The following NABP1 variants were observed in gnomAD, a reference collection of about 807,000 sequenced individuals.
NABP1 encodes the protein nucleic acid binding protein 1, also known as SOSS complex subunit B2.
NABP1 carries 18 observed loss-of-function variants against 25.0 expected under a neutral mutation model. That is an observed-to-expected ratio of 0.72 (90% CI 0.50 to 1.07). The LOEUF (loss-of-function observed/expected upper bound fraction) is 1.07, where lower values mean the gene tolerates loss of function less well. Among genes scored for constraint, NABP1 ranks in the 50% least tolerant of loss-of-function variants. The pLI, the probability that NABP1 is intolerant of heterozygous loss-of-function variation, is 0.00. For synonymous variants in NABP1, 71 were observed against 85.0 expected (o/e 0.84, Z 0.91); for missense variants, 270 against 255.6 (o/e 1.06, Z -0.39).
chr2:191,678,290 T>C lies in NABP1; in HGVS notation c.-325T>C. 5.3e-6 allele frequency: 1 copy of C among 189,676 alleles called. No individual in the cohort carries two copies. 11.7% of individuals were successfully genotyped at this position (189,676 alleles called of 1,614,324 possible). A position where few individuals can be genotyped will look rare whatever the true frequency, so the allele number is the denominator to read the frequency against. ...GAAGTGTCCCCTCACTGCGTTTTTT[T>C]TTCCTTTTATCCAAAGAACGGGGCA... On this transcript the variant is annotated 5_prime_UTR_variant, in exon 1 of 6. Coordinates refer to ENST00000425611, the MANE Select transcript of NABP1 (RefSeq NM_001031716.5).
intron 1 of NABP1, 36 bp downstream of exon 1, chr2:191,678,741 G>A: frequency 6.4e-7 from 1 of 1,574,792 alleles, no homozygotes; most frequent in South Asian, 1.1e-5. Context: ...ACCGCCCGCT[G>A]TGCCTCCCGG....
chr2:191,678,427 T>TTG lies in NABP1; in HGVS notation c.-188_-187insTG. ...CCTTTTTTTTTTTTTTTTTTTTTTTTCTTTTTTTAGGCTCAGTGCTGTCCG... is the reference window on the plus strand; with the variant it reads ...CCTTTTTTTTTTTTTTTTTTTTTTTTTGCTTTTTTTAGGCTCAGTGCTGTCCG... On this transcript the variant is annotated 5_prime_UTR_variant, in exon 1 of 6. Coordinates refer to ENST00000425611, the MANE Select transcript of NABP1 (RefSeq NM_001031716.5). 3.9e-6 allele frequency: 1 copy of TTG among 259,576 alleles called. No homozygotes were observed. The highest frequency in any genetic ancestry group is 7.0e-6 in the Non-Finnish European group (1 of 142,662). The allele number at this position is 259,576 out of a possible 1,614,324, so 16.1% of individuals were successfully genotyped here. A position where few individuals can be genotyped will look rare whatever the true frequency, so the allele number is the denominator to read the frequency against.
rs370061845 is a variant in NABP1, at chr2:191,680,575, A to G, written c.231-1371A>G. On this transcript the variant is annotated intron_variant, in intron 2 of 5. Coordinates refer to ENST00000425611, the MANE Select transcript of NABP1 (RefSeq NM_001031716.5). ...CCAAATATTTTTCACCCAATGATTG[A>G]AAGTATTTTTTACGCTAAAAACGGC... Among the ~76,000 whole-genome samples the G allele has an allele frequency of 2.6e-5, 4 of 152,224 alleles. No individual in the cohort carries two copies. In the East Asian group the frequency reaches 5.8e-4, roughly 22 times the overall value.
At position 191,678,574 on chromosome 2, in the gene NABP1, C is replaced by T; in HGVS notation, c.-41C>T. ...GGTGGGAAGCTTTGACCCCGCCCTG[C>T]CCACTCGCGTCTCCGCAGCCGTAGC... On this transcript the variant is annotated 5_prime_UTR_variant, in exon 1 of 6. Coordinates refer to ENST00000425611, the MANE Select transcript of NABP1 (RefSeq NM_001031716.5). 1 of 1,477,734 alleles carries T rather than the reference C, an allele frequency of 6.8e-7. No individual in the cohort carries two copies. The allele number at this position is 1,477,734 out of a possible 1,614,324, so 91.5% of individuals were successfully genotyped here.
chr2:191,678,906 A>T, intron 1 of NABP1, 84 bp from the exon 2 acceptor site: 1 of 1,581,890 alleles, frequency 6.3e-7, no homozygotes, highest in African/African-American at 1.3e-5. Flanking sequence ...TTCCAGATGT[A>T]TTAAAATACC....
chr2:191,682,745 G>A, intron 3 of NABP1: 2 of 221,710 alleles, frequency 9.0e-6, no homozygotes, highest in South Asian at 9.7e-5. Context: ...AAAAAGAGAA[G>A]CCACAAATGG....
chr2:191,685,810 C>G lies in NABP1; in HGVS notation c.*42C>G, dbSNP rs1687804259. On this transcript the variant is annotated 3_prime_UTR_variant, in exon 6 of 6. Coordinates refer to ENST00000425611, the MANE Select transcript of NABP1 (RefSeq NM_001031716.5). ...ATGTGTAGTTTTTATACTACATGCC[C>G]TACTTGAACACTTATTGCACTTTTA... The G allele has an allele frequency of 6.4e-7, 1 of 1,564,736 alleles. No individual in the cohort carries two copies. Among genetic ancestry groups the G allele is most frequent in the Non-Finnish European group, 8.8e-7 (1 of 1,139,604 alleles).
In NABP1 at chr2:191,686,796, C is replaced by T. The variant is rs1687836626; in HGVS notation, c.*1028C>T. 6.6e-6 allele frequency: 1 copy of T among 152,592 alleles called. No individual in the cohort carries two copies. Among genetic ancestry groups the T allele is most frequent in the Admixed American group, 6.5e-5 (1 of 15,276 alleles). 9.5% of individuals were successfully genotyped at this position (152,592 alleles called of 1,614,324 possible). A position where few individuals can be genotyped will look rare whatever the true frequency, so the allele number is the denominator to read the frequency against. ...GGCTCTATCAAAGAAGCAATTGCAG[C>T]TTTATTCAGAAATATAAAAGTGGAA... is the stretch of plus-strand genomic sequence containing the variant. On this transcript the variant is annotated 3_prime_UTR_variant, in exon 6 of 6. Coordinates refer to ENST00000425611, the MANE Select transcript of NABP1 (RefSeq NM_001031716.5).
At chr2:191,682,495 A>AGGTGC (rs1223396940) in intron 3 of NABP1, 8 of 470,954 alleles carry the variant, frequency 1.7e-5, no homozygotes, top group Non-Finnish European at 3.5e-5. Context: ...TCCACAGTCT[A>AGGTGC]GGTGCGGTGC....
At chr2:191,682,517 A>T in intron 3 of NABP1, 1 of 471,136 alleles carries the variant, frequency 2.1e-6, no homozygotes. Context: ...GGCAGCCGCA[A>T]TGCGAGATTC....
At chr2:191,684,028 G>GT (rs1687751415) in intron 4 of NABP1, among the ~76,000 whole-genome samples, 1 of 150,202 alleles carries the variant, frequency 6.7e-6, no homozygotes. Flanking sequence ...GAAATAGGAT[G>GT]TAACAGAGCT....
intron 3 of NABP1, chr2:191,682,939 G>A (rs898149194): frequency 3.9e-5 from 8 of 203,082 alleles, no homozygotes; most frequent in East Asian, 1.4e-4. Flanking sequence ...ATAGAGTTAT[G>A]TGTTATGAAA....
intron 2 of NABP1, among the ~76,000 whole-genome samples, chr2:191,680,034 T>C (rs1036580572): frequency 1.1e-4 from 17 of 152,154 alleles, no homozygotes; most frequent in African/African-American, 3.1e-4. Context: ...ACACAGAAAA[T>C]GTTTGGCAGA....
rs1483008116 is a variant in NABP1 at position 191,684,352 on chromosome 2, G to A, written c.445+56G>A. ...ATCAGGTATAAGAATGAAGAGAGCT[G>A]TAAAGATTCACGTGAAAAGCAACGT... On this transcript the variant is annotated intron_variant, in intron 5 of 5. Coordinates refer to ENST00000425611, the MANE Select transcript of NABP1 (RefSeq NM_001031716.5). 10 of 1,273,470 alleles carry A rather than the reference G, an allele frequency of 7.9e-6. No homozygotes were observed. In the Admixed American group the frequency reaches 2.5e-4, roughly 32 times the overall value. The allele number at this position is 1,273,470 out of a possible 1,614,324, so 78.9% of individuals were successfully genotyped here. A position where few individuals can be genotyped will look rare whatever the true frequency, so the allele number is the denominator to read the frequency against.
intron 4 of NABP1, 114 bp from the exon 5 acceptor site, chr2:191,684,116 A>C (rs1226790092): frequency 6.7e-5 from 10 of 149,820 alleles, no homozygotes; most frequent in Non-Finnish European, 1.3e-5. Context: ...TTTGTTAATT[A>C]AAAAAAAAAA....
At chr2:191,685,084 C>G (rs1687781409) in intron 5 of NABP1, 1 of 152,858 alleles carries the variant, frequency 6.5e-6, no homozygotes, top group Non-Finnish European at 1.5e-5. Flanking sequence ...AACTCCTGAC[C>G]TCAAATGATC....
chr2:191,679,155 C>T, intron 2 of NABP1, 27 bp downstream of exon 2: 4 of 1,613,608 alleles, frequency 2.5e-6, no homozygotes, highest in Non-Finnish European at 3.4e-6. Flanking sequence ...GTCGGGGGAC[C>T]TAACAGTCTG....
In NABP1 at chr2:191,685,538, A is replaced by G. The variant is rs897337237; in HGVS notation, c.446-61A>G. Reference sequence around the variant, plus strand: ...CATTAATAACATGTTGGCACTTAAGATAGTTCTACTTCTATAGACTACCTC... The same window carrying G: ...CATTAATAACATGTTGGCACTTAAGGTAGTTCTACTTCTATAGACTACCTC... On this transcript the variant is annotated intron_variant, in intron 5 of 5. Coordinates refer to ENST00000425611, the MANE Select transcript of NABP1 (RefSeq NM_001031716.5). 11 of 1,422,296 alleles carry G rather than the reference A, an allele frequency of 7.7e-6. No individual in the cohort carries two copies. In the African/African-American group the frequency reaches 1.3e-4, roughly 17 times the overall value. 88.1% of individuals were successfully genotyped at this position (1,422,296 alleles called of 1,614,324 possible). A position where few individuals can be genotyped will look rare whatever the true frequency, so the allele number is the denominator to read the frequency against.
chr2:191,679,229 G>T, intron 2 of NABP1, 101 bp downstream of exon 2: 1 of 1,440,876 alleles, frequency 6.9e-7, no homozygotes, highest in East Asian at 2.4e-5. Context: ...CCTTTTCTGT[G>T]GGCCACTCTT....
Sources: gnomAD v4.1 joint callset for allele counts (sites outside exome capture counted in the v4.1 genomes callset) on GRCh38, gnomAD v4.1.1 for gene constraint, MANE v1.5 for transcripts, NCBI Gene and HGNC (gene_info 2026-07-23, HGNC 2026-07-21) for gene names.